The following CRELD1 variants were observed in gnomAD, a reference collection of about 807,000 sequenced individuals.
CRELD1 encodes CRELD disulfide isomerase 1.
A neutral mutation model predicts 58.2 loss-of-function variants in CRELD1; 42 were observed. The ratio of observed to expected loss-of-function variants is 0.72; its 90% CI spans 0.56 to 0.93. CRELD1 has a LOEUF of 0.93. Ranked by LOEUF, CRELD1 falls within the 40% of genes least tolerant of loss-of-function variation. The pLI, the probability that CRELD1 is intolerant of heterozygous loss-of-function variation, is 0.00. For missense variants in CRELD1, 500 were observed against 540.6 expected (o/e 0.92, Z 0.74); for synonymous variants, 222 against 202.0 (o/e 1.10, Z -0.84).
Position 9,934,970 on chromosome 3 carries a change from G to C in CRELD1, c.257+53G>C, listed in dbSNP as rs966735077. On this transcript the variant is annotated intron_variant, in intron 3 of 10. Transcript: ENST00000452070. ...ATATTCCCCTCCCCGCCAAATCTCT[G>C]CTCTGCTGGTGTAGGGCTAGGAACT... 2.1e-5 allele frequency: 30 copies of C among 1,463,092 alleles called. No individual in the cohort carries two copies. In the African/African-American group the frequency reaches 3.5e-4, roughly 17 times the overall value. 90.6% of individuals were successfully genotyped at this position (1,463,092 alleles called of 1,614,324 possible). A position where few individuals can be genotyped will look rare whatever the true frequency, so the allele number is the denominator to read the frequency against.
In CRELD1 at chr3:9,945,010, A is replaced by C. The variant is rs1409812013; in HGVS notation, c.*431A>C. The C allele has an allele frequency of 1.6e-5, 4 of 253,094 alleles. No individual in the cohort carries two copies. Among genetic ancestry groups the C allele is most frequent in the Non-Finnish European group, 3.1e-5 (4 of 127,154 alleles). 15.7% of individuals were successfully genotyped at this position (253,094 alleles called of 1,614,324 possible). ...CTTATTTATTCATCTCAGGAAATAA[A>C]GAAAGGTCTTGGAAAGTTAAAAGGC... On this transcript the variant is annotated 3_prime_UTR_variant, in exon 11 of 11. Transcript: ENST00000452070.
chr3:9,943,238 G>T (rs2124860553), intron 9 of CRELD1, 66 bp downstream of exon 9: 1 of 1,591,224 alleles, frequency 6.3e-7, no homozygotes. Context: ...TGGTGAAGAG[G>T]CTGGAATATG....
chr3:9,944,304 C>G, intron 10 of CRELD1, 61 bp from the exon 11 acceptor site: 1 of 1,444,756 alleles, frequency 6.9e-7, no homozygotes, highest in Non-Finnish European at 9.7e-7. Flanking sequence ...TCTGGGGAGA[C>G]TCCAAGAACT....
intron 10 of CRELD1, chr3:9,943,765 C>G: frequency 6.3e-7 from 1 of 1,596,756 alleles, no homozygotes; most frequent in Non-Finnish European, 8.5e-7. Context: ...GTTTCCTCAT[C>G]TATCCAATGG....
Position 9,934,582 on chromosome 3 carries a change from C to T in CRELD1, c.144C>T (p.Thr48=). Residue 48 remains threonine, a synonymous_variant, in exon 2 of 11, where the codon ACC becomes ACT. Transcript: ENST00000452070. ...SPPPQPHPCH[T]CRGLVDSFNK... is the part of the protein sequence containing the mutation. ...CGCCTCAGCCCCATCCGTGTCATACCTGCCGGGGACTGGTTGACAGCTTTA... is the reference window on the plus strand; with the variant it reads ...CGCCTCAGCCCCATCCGTGTCATACTTGCCGGGGACTGGTTGACAGCTTTA... 6.2e-7 allele frequency: 1 copy of T among 1,613,862 alleles called. No individual in the cohort carries two copies.
rs748716540 is a variant in CRELD1 at position 9,934,853 on chromosome 3, C to CG, written c.196dup (p.Asp66GlyfsTer22). ...TTTCCAGGGCCTGGAGAGAACCATCCGGGACAACTTTGGAGGTGGAAACAC... is the reference window on the plus strand; with the variant it reads ...TTTCCAGGGCCTGGAGAGAACCATCCGGGGACAACTTTGGAGGTGGAAACAC... On this transcript the variant is annotated frameshift_variant, in exon 3 of 11. Coordinates refer to ENST00000452070, the MANE Select transcript of CRELD1 (RefSeq NM_001077415.3). LOFTEE classifies it high-confidence loss of function. The CG allele has an allele frequency of 1.4e-5, 23 of 1,612,854 alleles. No individual in the cohort carries two copies. In the Admixed American group the frequency reaches 3.0e-4, roughly 21 times the overall value.
rs376939409 is a variant in CRELD1 at position 9,938,139 on chromosome 3, G to A, written c.460+33G>A. Reference sequence around the variant, plus strand: ...TTTAAGTTGCTCTTGGGGATGGGAGGGGACCACCGAGTCCAGGGATCCAGT... The same window carrying A: ...TTTAAGTTGCTCTTGGGGATGGGAGAGGACCACCGAGTCCAGGGATCCAGT... On this transcript the variant is annotated intron_variant, in intron 5 of 10. Coordinates refer to ENST00000452070, the MANE Select transcript of CRELD1 (RefSeq NM_001077415.3). The A allele has an allele frequency of 2.6e-6, 4 of 1,521,840 alleles. No homozygotes were observed. The African/African-American group carries it at 5.5e-5, about 21-fold the overall frequency. 94.3% of individuals were successfully genotyped at this position (1,521,840 alleles called of 1,614,324 possible). A position where few individuals can be genotyped will look rare whatever the true frequency, so the allele number is the denominator to read the frequency against.
intron 3 of CRELD1, 199 bp downstream of exon 3, chr3:9,935,116 A>G (rs1409104455): frequency 1.0e-5 from 6 of 572,918 alleles, no homozygotes; most frequent in Non-Finnish European, 1.6e-5. Flanking sequence ...CAAGCAGTGA[A>G]TGAGTAAGTG....
rs953032139 is a variant in CRELD1, at chr3:9,945,342, G to A, written c.*763G>A. The A allele has an allele frequency of 1.3e-5, 2 of 154,494 alleles. No homozygotes were observed. Among genetic ancestry groups the A allele is most frequent in the African/African-American group, 4.8e-5 (2 of 41,452 alleles). 9.6% of individuals were successfully genotyped at this position (154,494 alleles called of 1,614,324 possible). Reference sequence around the variant, plus strand: ...AATTAAATGAGGTGACAAATGTGAAGACCTGGACAGTACACAACAGATATT... The same window carrying A: ...AATTAAATGAGGTGACAAATGTGAAAACCTGGACAGTACACAACAGATATT... On this transcript the variant is annotated 3_prime_UTR_variant, in exon 11 of 11. Coordinates refer to ENST00000452070, the MANE Select transcript of CRELD1 (RefSeq NM_001077415.3).
intron 7 of CRELD1, among the ~76,000 whole-genome samples, chr3:9,941,710 A>C (rs1275891159): frequency 6.7e-6 from 1 of 150,040 alleles, no homozygotes; most frequent in East Asian, 2.0e-4. Flanking sequence ...GAAGGGCATG[A>C]ACCTGGGAGG....
chr3:9,934,681 T>G, intron 2 of CRELD1, 69 bp downstream of exon 2: 4 of 1,578,384 alleles, frequency 2.5e-6, no homozygotes, highest in Non-Finnish European at 3.5e-6. Flanking sequence ...GGGATGCAAA[T>G]CTGCGTGGAT....
chr3:9,934,221 G>A (rs1030345596), intron 1 of CRELD1, 199 bp from the exon 2 acceptor site: 3 of 590,270 alleles, frequency 5.1e-6, no homozygotes, highest in East Asian at 2.8e-5. Context: ...TGCTAGCGAG[G>A]ATAACTTATT....
In CRELD1 at chr3:9,943,143, G is replaced by C; in HGVS notation, c.884G>C (p.Gly295Ala). 6.2e-7 allele frequency: 1 copy of C among 1,613,516 alleles called. No individual in the cohort carries two copies. The highest frequency in any genetic ancestry group is 8.5e-7 in the Non-Finnish European group (1 of 1,179,992). Residue 295 changes from glycine (G) to alanine (A), a missense_variant, in exon 9 of 11, where the codon GGC becomes GCC. Gly to Ala is a moderately conservative substitution (Grantham distance 60). Transcript: ENST00000452070. ...GPGRCKKCSPGYQQVGSKCLD... is the reference protein window; with the variant it reads ...GPGRCKKCSPAYQQVGSKCLD... ...GGTCGCTGTAAGAAGTGTAGCCCTG[G>C]CTATCAGCAGGTGGGCTCCAAGTGT...
In CRELD1 at chr3:9,941,627, A is replaced by G. The variant is rs541875818; in HGVS notation, c.733+421A>G. On this transcript the variant is annotated intron_variant, in intron 7 of 10. Transcript: ENST00000452070. The stretch of plus-strand genomic sequence containing the variant: ...AACATGGTGAAACCCTGTCTCAACT[A>G]AAAATACAAAAAATTAGCTGGGCGT... 5.1e-4 allele frequency among the ~76,000 whole-genome samples: 78 copies of G among 151,998 alleles called. No individual in the cohort carries two copies. In the South Asian group the frequency reaches 0.016, roughly 31 times the overall value.
intron 7 of CRELD1, 135 bp downstream of exon 7, chr3:9,941,341 GA>G (rs1460201697): frequency 1.4e-6 from 1 of 716,484 alleles, no homozygotes; most frequent in African/African-American, 1.8e-5. Flanking sequence ...TGGGAAGGCA[GA>G]AAAGTAACCA....
Position 9,942,867 on chromosome 3 carries a change from T to G in CRELD1, c.788T>G (p.Val263Gly). 2 of 1,614,192 alleles carry G rather than the reference T, an allele frequency of 1.2e-6. No individual in the cohort carries two copies. Among genetic ancestry groups the G allele is most frequent in the Non-Finnish European group, 1.7e-6 (2 of 1,180,000 alleles). ...AACTGTGGAGCTGACCAATTCTGCG[T>G]GAACACTGAGGGCTCCTATGAGTGC... ...GANCGADQFC[V>G]NTEGSYECRD... Residue 263 changes from valine (V) to glycine (G), a missense_variant, in exon 8 of 11, where the codon GTG (valine) becomes GGG (glycine). Physicochemically the swap from Val to Gly is moderately radical, Grantham distance 109 (BLOSUM62 -3). Transcript: ENST00000452070.
intron 10 of CRELD1, chr3:9,943,978 A>C: frequency 1.9e-6 from 2 of 1,072,682 alleles, no homozygotes; most frequent in Non-Finnish European, 2.9e-6. Context: ...CCCACTCTAC[A>C]TATGTAAAAA....
chr3:9,944,383 C>T lies in CRELD1; in HGVS notation c.1067C>T (p.Ser356Leu), dbSNP rs866482092. The change falls in exon 11 of 11, where the codon TCA (serine) becomes TTA (leucine). Residue 356 changes from serine (S) to leucine (L), a missense_variant. Physicochemically the swap from Ser to Leu is moderately radical, Grantham distance 145. Coordinates refer to ENST00000452070, the MANE Select transcript of CRELD1 (RefSeq NM_001077415.3). ...EQIPESAGFF[S>L]EMTEDELVVL... ...TCTGCAGAGTCAGCAGGCTTCTTCT[C>T]AGAGATGACAGAAGACGAGTTGGTG... The T allele has an allele frequency of 6.2e-7, 1 of 1,614,006 alleles. No individual in the cohort carries two copies. Among genetic ancestry groups the T allele is most frequent in the Non-Finnish European group, 8.5e-7 (1 of 1,179,958 alleles).
chr3:9,938,220 T>G, intron 5 of CRELD1, 114 bp downstream of exon 5: 3 of 809,338 alleles, frequency 3.7e-6, no homozygotes, highest in Non-Finnish European at 6.2e-6. Context: ...TAAACTTCTC[T>G]GGACCTCAGT....
Sources: allele counts gnomAD v4.1 joint callset (sites outside exome capture counted in the v4.1 genomes callset), GRCh38; gene constraint gnomAD v4.1.1; transcripts MANE v1.5; gene names NCBI Gene and HGNC (gene_info 2026-07-23, HGNC 2026-07-21).